CCDC191: variants seen among roughly 807,000 people sequenced by gnomAD.
The protein encoded by CCDC191 is coiled-coil domain-containing protein 191.
Under a neutral mutation model 114.0 loss-of-function variants are expected in CCDC191, and 99 were observed. The ratio of observed to expected loss-of-function variants is 0.87; its 90% CI spans 0.74 to 1.03. The LOEUF is 1.03. Ranked by LOEUF, CCDC191 falls within the 50% of genes least tolerant of loss-of-function variation. CCDC191 has a pLI of 0.00. For missense variants in CCDC191, 973 were observed against 1,087.0 expected (o/e 0.90, Z 1.47); for synonymous variants, 351 against 376.0 (o/e 0.93, Z 0.77).
intron 16 of CCDC191, among the ~76,000 whole-genome samples, chr3:113,977,192 C>T (rs954219021): frequency 1.3e-5 from 2 of 152,012 alleles, no homozygotes; most frequent in Non-Finnish European, 2.9e-5. Flanking sequence ...AGCTACTTGG[C>T]GGGCTGAGGC....
Position 114,047,832 on chromosome 3 carries a change from G to A in CCDC191, c.130-1100C>T, listed in dbSNP as rs138521201. ...TCTACTAAAAATACAAAAATTAGCC[G>A]GGTGTGGTGGCATGAGCCTGTAATC... On this transcript the variant is annotated intron_variant, in intron 2 of 16. Transcript: ENST00000295878. Among the ~76,000 whole-genome samples, 182 of 152,112 alleles carry A rather than the reference G, an allele frequency of 1.2e-3. 1 individual carries two copies. Among genetic ancestry groups the A allele is most frequent in the African/African-American group, 4.0e-3 (167 of 41,508 alleles).
At chr3:113,968,803 C>A (rs1940498515) in intron 16 of CCDC191, among the ~76,000 whole-genome samples, 1 of 151,776 alleles carries the variant, frequency 6.6e-6, no homozygotes, top group African/African-American at 2.4e-5. Flanking sequence ...TGTTTGAGTT[C>A]CTTACATATT....
Position 114,035,149 on chromosome 3 carries a change from C to T in CCDC191, c.595-1G>A, listed in dbSNP as rs918831816. 2 of 1,603,132 alleles carry T rather than the reference C, an allele frequency of 1.2e-6. No individual in the cohort carries two copies. ...CACGTCTTAAGCGATTTTCTTTTAC[C>T]TTAAAGCAAATATAATAAAGATGAA... On this transcript the variant is annotated splice_acceptor_variant, in intron 5 of 16. Coordinates refer to ENST00000295878, the MANE Select transcript of CCDC191 (RefSeq NM_020817.2). LOFTEE classifies it high-confidence loss of function.
intron 3 of CCDC191, among the ~76,000 whole-genome samples, chr3:114,044,092 G>A (rs753319091): frequency 6.6e-6 from 1 of 152,068 alleles, no homozygotes; most frequent in Non-Finnish European, 1.5e-5. Context: ...GATTTCAGGG[G>A]AGAGGTCCAA....
intron 8 of CCDC191, among the ~76,000 whole-genome samples, chr3:114,014,284 T>G (rs976480930): frequency 6.6e-6 from 1 of 152,160 alleles, no homozygotes; most frequent in Non-Finnish European, 1.5e-5. Flanking sequence ...TTTAAAAAGT[T>G]TTAAAGTTTT....
chr3:114,000,495 A>G (rs1577387936), intron 13 of CCDC191, among the ~76,000 whole-genome samples: 1 of 152,154 alleles, frequency 6.6e-6, no homozygotes, highest in African/African-American at 2.4e-5. Flanking sequence ...ATTTCTCAAA[A>G]TAAGTCTCCC....
At chr3:114,036,086 C>T (rs1180852501) in intron 5 of CCDC191, among the ~76,000 whole-genome samples, 1 of 152,078 alleles carries the variant, frequency 6.6e-6, no homozygotes, top group African/African-American at 2.4e-5. Flanking sequence ...GTCTTTTTTG[C>T]AAGAACCTAC....
intron 12 of CCDC191, among the ~76,000 whole-genome samples, chr3:114,001,966 G>A (rs1365779249): frequency 1.3e-5 from 2 of 152,048 alleles, no homozygotes; most frequent in East Asian, 3.8e-4. Context: ...TTACTTTTTA[G>A]TTCTTACTGT....
At chr3:114,006,617 T>TATATATATATATATATATATATAA (rs1482068610) in intron 9 of CCDC191, among the ~76,000 whole-genome samples, 6 of 118,424 alleles carry the variant, frequency 5.1e-5, no homozygotes, top group East Asian at 2.4e-4. Context: ...TATATATATA[T>TATATATATATATATATATATATAA]AAATATATAT....
At chr3:113,968,454 C>T (rs1940438283) in intron 16 of CCDC191, among the ~76,000 whole-genome samples, 1 of 146,766 alleles carries the variant, frequency 6.8e-6, no homozygotes, top group East Asian at 1.9e-4. Context: ...TTTAGATCTT[C>T]CCCCCCCTTT....
At position 113,964,450 on chromosome 3, in the gene CCDC191, C is replaced by CTGAG. The variant is rs1281027839; in HGVS notation, c.*701_*704dup. ...ACTGAGCTGAGTACTAGAAGACAAA[C>CTGAG]TGAGTGTATTATTCAGCAGTTGCAG... On this transcript the variant is annotated 3_prime_UTR_variant, in exon 17 of 17. Coordinates refer to ENST00000295878, the MANE Select transcript of CCDC191 (RefSeq NM_020817.2). 6.6e-6 allele frequency: 1 copy of CTGAG among 152,104 alleles called. No homozygotes were observed. Among genetic ancestry groups the CTGAG allele is most frequent in the Non-Finnish European group, 1.5e-5 (1 of 68,038 alleles). The allele number at this position is 152,104 out of a possible 1,614,324, so 9.4% of individuals were successfully genotyped here. A position where few individuals can be genotyped will look rare whatever the true frequency, so the allele number is the denominator to read the frequency against.
chr3:113,976,186 G>A (rs573479299), intron 16 of CCDC191, among the ~76,000 whole-genome samples: 1 of 152,232 alleles, frequency 6.6e-6, no homozygotes, highest in South Asian at 2.1e-4. Context: ...TTGAACCCAG[G>A]AGGCGGAGGT....
At chr3:113,986,222 T>C (rs947891386) in intron 13 of CCDC191, among the ~76,000 whole-genome samples, 3 of 152,122 alleles carry the variant, frequency 2.0e-5, no homozygotes, top group Non-Finnish European at 4.4e-5. Flanking sequence ...TGCTAGAAGA[T>C]ACAGCCAAGG....
In CCDC191 at chr3:113,976,714, A is replaced by G. The variant is rs548938795; in HGVS notation, c.2606+1472T>C. 7.9e-5 allele frequency among the ~76,000 whole-genome samples: 12 copies of G among 151,978 alleles called. 1 individual carries two copies. The South Asian group carries it at 2.1e-3, about 26-fold the overall frequency. On this transcript the variant is annotated intron_variant, in intron 16 of 16. Transcript: ENST00000295878. ...AGTGAGTTACTATAGTACCCTGTTT[A>G]GTCTTCACAGCAATCCATAAGATAG...
intron 16 of CCDC191, among the ~76,000 whole-genome samples, chr3:113,967,260 CTCTT>C (rs1163423428): frequency 6.6e-6 from 1 of 152,214 alleles, no homozygotes; most frequent in Admixed American, 6.5e-5. Context: ...ATTCACATCT[CTCTT>C]TTGGCTACAC....
At chr3:113,989,347 A>G (rs2075479709) in intron 13 of CCDC191, among the ~76,000 whole-genome samples, 1 of 152,216 alleles carries the variant, frequency 6.6e-6, no homozygotes, top group African/African-American at 2.4e-5. Context: ...GCTGAGTACT[A>G]TAGTACTATA....
At chr3:113,984,282 G>A (rs1377929080) in intron 13 of CCDC191, 1 of 151,756 alleles carries the variant, frequency 6.6e-6, no homozygotes, top group African/African-American at 2.4e-5. Context: ...ACAATTTGCT[G>A]GTACACTCAA....
At position 114,031,698 on chromosome 3, in the gene CCDC191, C is replaced by T. The variant is rs1412069930; in HGVS notation, c.900G>A (p.Glu300=). 4 of 1,588,494 alleles carry T rather than the reference C, an allele frequency of 2.5e-6. No individual in the cohort carries two copies. The South Asian group carries it at 4.4e-5, about 18-fold the overall frequency. The change falls in exon 7 of 17, where the codon GAG becomes GAA. Residue 300 remains glutamate (E), a synonymous_variant. Transcript: ENST00000295878. ...TTTTTCTTTCCTTCACCATTTTTTC[C>T]TCATCTGGAAGAATGTGAGTACTTT... ...MFQSTHILPD[E]EKMVKERKRK...
chr3:114,037,367 T>C (rs2076500351), intron 4 of CCDC191, among the ~76,000 whole-genome samples: 1 of 152,312 alleles, frequency 6.6e-6, no homozygotes, highest in South Asian at 2.1e-4. Flanking sequence ...GTTTTCATTT[T>C]CCAGAATTTT....
Sources: allele counts gnomAD v4.1 joint callset (sites outside exome capture counted in the v4.1 genomes callset), GRCh38; gene constraint gnomAD v4.1.1; transcripts MANE v1.5; gene names NCBI Gene and HGNC (gene_info 2026-07-23, HGNC 2026-07-21).